The following SI variants were observed in gnomAD, a reference collection of about 807,000 sequenced individuals.
The protein encoded by SI is sucrase-isomaltase, intestinal.
A neutral mutation model predicts 253.3 loss-of-function variants in SI; 235 were observed. That is an observed-to-expected ratio of 0.93 (90% confidence interval 0.83 to 1.03). The LOEUF is 1.03. SI is among the 50% of genes least tolerant of loss of function. The probability of loss-of-function intolerance (pLI) is 0.00; values close to 1 mark genes in which losing one functional copy is unlikely to be tolerated. For synonymous variants in SI, 819 were observed against 712.0 expected (o/e 1.15, Z -2.39); for missense variants, 2,442 against 2,211.1 (o/e 1.10, Z -2.09).
rs1367957216 is a variant in SI, at chr3:165,030,709, T to G, written c.2892+3A>C. 1 of 1,607,658 alleles carries G rather than the reference T, an allele frequency of 6.2e-7. No homozygotes were observed. Among genetic ancestry groups the G allele is most frequent in the South Asian group, 1.1e-5 (1 of 90,816 alleles). Reference sequence around the variant, plus strand: ...CATGAGTAATAGTTAAAATTATTATTACCGTTCTCCATACACAGCCACGTT... The same window carrying G: ...CATGAGTAATAGTTAAAATTATTATGACCGTTCTCCATACACAGCCACGTT... On this transcript the variant is annotated splice_donor_region_variant and intron_variant, in intron 25 of 47. Coordinates refer to ENST00000264382, the MANE Select transcript of SI (RefSeq NM_001041.4).
At chr3:165,064,591 T>G (rs1159097593) in intron 7 of SI, among the ~76,000 whole-genome samples, 1 of 151,988 alleles carries the variant, frequency 6.6e-6, no homozygotes, top group African/African-American at 2.4e-5. Flanking sequence ...GTCTCAAAAA[T>G]CTCACATTTT....
chr3:165,056,258 G>A (rs1040635947), intron 12 of SI, among the ~76,000 whole-genome samples: 9 of 152,048 alleles, frequency 5.9e-5, no homozygotes, highest in African/African-American at 2.2e-4. Flanking sequence ...TTTTACAAAA[G>A]GAGTTCATAA....
chr3:164,998,374 C>T (rs1240337610), intron 38 of SI, among the ~76,000 whole-genome samples, 166 bp downstream of exon 38: 1 of 151,798 alleles, frequency 6.6e-6, no homozygotes, highest in African/African-American at 2.4e-5. Flanking sequence ...ACAGCACCCT[C>T]AATCCAGCTT....
chr3:165,002,558 A>G (rs981097405), intron 37 of SI, among the ~76,000 whole-genome samples: 1 of 151,786 alleles, frequency 6.6e-6, no homozygotes, highest in African/African-American at 2.4e-5. Flanking sequence ...ACAAAATGCT[A>G]TGGTCTGTAT....
chr3:165,018,764 C>T (rs1046508710), intron 28 of SI, among the ~76,000 whole-genome samples: 4 of 151,266 alleles, frequency 2.6e-5, no homozygotes, highest in South Asian at 2.1e-4. Context: ...CTAATAATAT[C>T]GGTACAAATG....
chr3:165,031,772 G>A lies in SI; in HGVS notation c.2736+750C>T, dbSNP rs12494468. Among the ~76,000 whole-genome samples the A allele has an allele frequency of 9.1e-3, 1,365 of 150,778 alleles. 60 individuals are homozygous for A. Among genetic ancestry groups the A allele is most frequent in the Admixed American group, 0.07 (1,056 of 15,052 alleles). ...ATAAATGACAAAAATAATTGCTTTC[G>A]TGTTTTTAAATACTACAGTCTCTTT... On this transcript the variant is annotated intron_variant, in intron 24 of 47. Coordinates refer to ENST00000264382, the MANE Select transcript of SI (RefSeq NM_001041.4).
At chr3:165,051,318 C>A (rs1436217589) in intron 13 of SI, among the ~76,000 whole-genome samples, 6 of 152,046 alleles carry the variant, frequency 3.9e-5, no homozygotes, top group Admixed American at 3.9e-4. Flanking sequence ...GATTTGTTAT[C>A]ATGACACGTT....
At chr3:165,032,930 CTCAT>C (rs1220038205) in intron 23 of SI, among the ~76,000 whole-genome samples, 1 of 151,328 alleles carries the variant, frequency 6.6e-6, no homozygotes, top group East Asian at 1.9e-4. Context: ...CACATATATA[CTCAT>C]TCTAGTCCTA....
intron 34 of SI, among the ~76,000 whole-genome samples, chr3:165,012,155 T>C (rs1261408920): frequency 1.3e-5 from 2 of 152,180 alleles, no homozygotes; most frequent in East Asian, 1.9e-4. Context: ...AAGACAAATG[T>C]TGTATGATTC....
chr3:165,082,284 A>G (rs898448037), upstream of SI, among the ~76,000 whole-genome samples: 1 of 151,862 alleles, frequency 6.6e-6, no homozygotes, highest in African/African-American at 2.4e-5. Context: ...GCTCTTCCTC[A>G]GTGTCTCATA....
At chr3:164,984,831 C>A (rs1349364932) in intron 45 of SI, among the ~76,000 whole-genome samples, 1 of 152,060 alleles carries the variant, frequency 6.6e-6, no homozygotes, top group Non-Finnish European at 1.5e-5. Flanking sequence ...AGATTGGATG[C>A]CCATCAACTA....
intron 3 of SI, among the ~76,000 whole-genome samples, chr3:165,071,663 G>A (rs974140023): frequency 1.3e-5 from 2 of 152,048 alleles, no homozygotes; most frequent in African/African-American, 4.8e-5. Context: ...TTTAAATAAG[G>A]ATATAAGGGT....
intron 6 of SI, among the ~76,000 whole-genome samples, chr3:165,066,296 G>T (rs1346060622): frequency 6.6e-6 from 1 of 151,814 alleles, no homozygotes; most frequent in African/African-American, 2.4e-5. Flanking sequence ...TATACTCAGT[G>T]GGGGAGTGGG....
In SI at chr3:165,055,323, A is replaced by C; in HGVS notation, c.1399-16T>G. Reference sequence around the variant, plus strand: ...CTGGCCATACCTAGAAGAATAGATCATTCACATATATACATAAAAAATAGA... The same window carrying C: ...CTGGCCATACCTAGAAGAATAGATCCTTCACATATATACATAAAAAATAGA... On this transcript the variant is annotated splice_polypyrimidine_tract_variant and intron_variant, in intron 12 of 47. Coordinates refer to ENST00000264382, the MANE Select transcript of SI (RefSeq NM_001041.4). 2.4e-6 allele frequency: 3 copies of C among 1,230,260 alleles called. No homozygotes were observed. Among genetic ancestry groups the C allele is most frequent in the Non-Finnish European group, 3.6e-6 (3 of 831,928 alleles). 76.2% of individuals were successfully genotyped at this position (1,230,260 alleles called of 1,614,324 possible).
chr3:164,995,409 G>T (rs1717964469), intron 40 of SI, among the ~76,000 whole-genome samples: 1 of 151,702 alleles, frequency 6.6e-6, no homozygotes, highest in African/African-American at 2.4e-5. Context: ...TATGATTTTA[G>T]TTTTAACATG....
intron 3 of SI, 41 bp downstream of exon 3, chr3:165,074,490 G>A: frequency 7.7e-7 from 1 of 1,296,398 alleles, no homozygotes. Flanking sequence ...ATATAATAAT[G>A]TATATATTCA....
intron 13 of SI, among the ~76,000 whole-genome samples, chr3:165,054,587 T>C (rs1413444577): frequency 6.6e-6 from 1 of 152,130 alleles, no homozygotes; most frequent in African/African-American, 2.4e-5. Context: ...ACTCCTGACC[T>C]CAAATGATTG....
Position 165,017,986 on chromosome 3 carries a change from G to A in SI, c.3504C>T (p.Leu1168=), listed in dbSNP as rs765990717. ...EEGNAHGVFL[L]NSNAMDVTFQ... ...TTGTTTTACCCATTGCATTGCTGTT[G>A]AGTAAGAAAACACCATGAGCATTGC... The change falls in exon 29 of 48, where the codon CTC becomes CTT. Residue 1168 remains leucine, a synonymous_variant. Coordinates refer to ENST00000264382, the MANE Select transcript of SI (RefSeq NM_001041.4). The A allele has an allele frequency of 6.2e-7, 1 of 1,609,426 alleles. No individual in the cohort carries two copies. Among genetic ancestry groups the A allele is most frequent in the South Asian group, 1.1e-5 (1 of 90,992 alleles).
intron 37 of SI, among the ~76,000 whole-genome samples, chr3:165,003,972 G>A (rs544063640): frequency 6.6e-6 from 1 of 151,902 alleles, no homozygotes; most frequent in South Asian, 2.1e-4. Flanking sequence ...GAATATAAAT[G>A]GATTAAACAC....
Sources: allele counts gnomAD v4.1 joint callset (sites outside exome capture counted in the v4.1 genomes callset), GRCh38; gene constraint gnomAD v4.1.1; transcripts MANE v1.5; gene names NCBI Gene and HGNC (gene_info 2026-07-23, HGNC 2026-07-21).